The following MICU1 variants were observed in gnomAD, a reference collection of about 807,000 sequenced individuals.
The protein encoded by MICU1 is mitochondrial calcium uptake 1.
In MICU1, 45 loss-of-function variants were observed where a neutral mutation model predicts 56.8. The ratio of observed to expected loss-of-function variants is 0.79; its 90% confidence interval spans 0.62 to 1.02. MICU1 has a LOEUF of 1.02. Among genes scored for constraint, MICU1 ranks in the 50% least tolerant of loss-of-function variants. The pLI, the probability that MICU1 is intolerant of heterozygous loss-of-function variation, is 0.00. For missense variants in MICU1, 504 were observed against 587.1 expected (o/e 0.86, Z 1.46); for synonymous variants, 186 against 195.1 (o/e 0.95, Z 0.39).
At chr10:72,585,446 G>A (rs1841023174) in intron 1 of MICU1, among the ~76,000 whole-genome samples, 1 of 152,036 alleles carries the variant, frequency 6.6e-6, no homozygotes, top group African/African-American at 2.4e-5. Flanking sequence ...TGTAATCCCA[G>A]CACTTTGGGA....
chr10:72,563,281 T>C (rs1840345486), intron 2 of MICU1, among the ~76,000 whole-genome samples: 1 of 152,200 alleles, frequency 6.6e-6, no homozygotes, highest in Non-Finnish European at 1.5e-5. Context: ...TGCACATCCA[T>C]GTTCACAGCA....
chr10:72,566,863 C>T (rs1830145499), intron 1 of MICU1, 69 bp from the exon 2 acceptor site: 1 of 1,345,486 alleles, frequency 7.4e-7, no homozygotes, highest in Non-Finnish European at 1.0e-6. Flanking sequence ...GATGATCCTA[C>T]CAACATTTCT....
chr10:72,496,914 G>A (rs1275247602), intron 6 of MICU1, among the ~76,000 whole-genome samples: 1 of 152,062 alleles, frequency 6.6e-6, no homozygotes, highest in Non-Finnish European at 1.5e-5. Flanking sequence ...AATATATATG[G>A]AATTCTTACT....
chr10:72,559,856 C>T (rs1052273796), intron 3 of MICU1, among the ~76,000 whole-genome samples: 2 of 152,168 alleles, frequency 1.3e-5, no homozygotes, highest in Non-Finnish European at 2.9e-5. Flanking sequence ...CTAAGCTCTG[C>T]CTCCTGTCAG....
At chr10:72,438,266 A>G (rs1295574701) in intron 8 of MICU1, among the ~76,000 whole-genome samples, 2 of 152,230 alleles carry the variant, frequency 1.3e-5, no homozygotes, top group African/African-American at 4.8e-5. Context: ...GCACAACTAC[A>G]TGGAAACTGA....
chr10:72,371,748 G>GAAAA (rs763738201), intron 11 of MICU1, among the ~76,000 whole-genome samples: 8 of 150,006 alleles, frequency 5.3e-5, no homozygotes, highest in African/African-American at 1.2e-4. Flanking sequence ...CCATCTCAAA[G>GAAAA]AAAAAAATAT....
chr10:72,566,039 C>CTTTTG, intron 2 of MICU1, among the ~76,000 whole-genome samples: 1 of 69,830 alleles, frequency 1.4e-5, no homozygotes, highest in East Asian at 4.2e-4. Context: ...CATTCATTTT[C>CTTTTG]TTTTTTTTTT....
At chr10:72,504,978 A>T (rs1867196797) in intron 6 of MICU1, among the ~76,000 whole-genome samples, 1 of 151,146 alleles carries the variant, frequency 6.6e-6, no homozygotes, top group African/African-American at 2.4e-5. Context: ...TATTATTATT[A>T]TTATTATTTT....
In MICU1 at chr10:72,611,548, G is replaced by C. The variant is rs529613209; in HGVS notation, c.-2+14462C>G. On this transcript the variant is annotated intron_variant, in intron 1 of 11. Transcript: ENST00000361114. ...AGGCAGGAGAATTGCTTGAACCCGG[G>C]CGGCAGAGATTGCAGTGACTCCATC... 8.6e-5 allele frequency among the ~76,000 whole-genome samples: 13 copies of C among 151,920 alleles called. No individual in the cohort carries two copies. In the East Asian group the frequency reaches 2.3e-3, roughly 27 times the overall value.
At chr10:72,610,295 T>A (rs1334592011) in intron 1 of MICU1, among the ~76,000 whole-genome samples, 4 of 151,664 alleles carry the variant, frequency 2.6e-5, no homozygotes, top group Non-Finnish European at 4.4e-5. Flanking sequence ...GTAAATTTTA[T>A]GTTATATATA....
At chr10:72,551,516 T>C (rs547105982) in intron 3 of MICU1, among the ~76,000 whole-genome samples, 175 bp from the exon 4 acceptor site, 56 of 152,232 alleles carry the variant, frequency 3.7e-4, no homozygotes, top group Non-Finnish European at 6.9e-4. Context: ...CCAAAAATTG[T>C]TAATATTCTT....
At chr10:72,465,443 T>C (rs967829877) in intron 8 of MICU1, among the ~76,000 whole-genome samples, 3 of 150,018 alleles carry the variant, frequency 2.0e-5, no homozygotes, top group African/African-American at 7.3e-5. Flanking sequence ...AGTGGAAGCC[T>C]GTAACCAAGA....
intron 1 of MICU1, among the ~76,000 whole-genome samples, chr10:72,602,884 G>C (rs898502299): frequency 1.3e-5 from 2 of 151,930 alleles, no homozygotes; most frequent in African/African-American, 4.8e-5. Context: ...GAGGCAGGCG[G>C]ATCACGAGGT....
chr10:72,455,093 G>C (rs1865416662), intron 8 of MICU1, among the ~76,000 whole-genome samples: 1 of 152,164 alleles, frequency 6.6e-6, no homozygotes, highest in African/African-American at 2.4e-5. Flanking sequence ...GCTCATGCCT[G>C]TAATCCAGCA....
At chr10:72,451,024 C>CTTTTTT (rs34430004) in intron 8 of MICU1, among the ~76,000 whole-genome samples, 6 of 115,026 alleles carry the variant, frequency 5.2e-5, no homozygotes, top group African/African-American at 1.3e-4. Flanking sequence ...TCCCTTAAAT[C>CTTTTTT]TTTTTTTTTT....
chr10:72,372,385 A>G (rs1472032631), intron 11 of MICU1, among the ~76,000 whole-genome samples: 1 of 152,170 alleles, frequency 6.6e-6, no homozygotes, highest in Admixed American at 6.6e-5. Context: ...TAACCCCACC[A>G]TTTTGGGAGG....
intron 4 of MICU1, among the ~76,000 whole-genome samples, chr10:72,535,780 T>G (rs373441335): frequency 6.6e-6 from 1 of 152,210 alleles, no homozygotes; most frequent in African/African-American, 2.4e-5. Flanking sequence ...GTATGCTTAC[T>G]AATTGCATCA....
At chr10:72,464,074 T>C (rs1166998639) in intron 8 of MICU1, among the ~76,000 whole-genome samples, 2 of 152,086 alleles carry the variant, frequency 1.3e-5, no homozygotes, top group Non-Finnish European at 2.9e-5. Context: ...GGCGAGTGGA[T>C]CACCTGAGGT....
chr10:72,454,600 T>C (rs1865399156), intron 8 of MICU1, among the ~76,000 whole-genome samples: 1 of 151,824 alleles, frequency 6.6e-6, no homozygotes, highest in Non-Finnish European at 1.5e-5. Context: ...CTGGCCAACA[T>C]GGTGAAACCA....
Sources: allele counts gnomAD v4.1 joint callset (sites outside exome capture counted in the v4.1 genomes callset), GRCh38; gene constraint gnomAD v4.1.1; transcripts MANE v1.5; gene names NCBI Gene and HGNC (gene_info 2026-07-23, HGNC 2026-07-21).